Variants in FRMD4B observed in about 807,000 individuals in gnomAD.
FRMD4B encodes the protein FERM domain-containing protein 4B.
Under a neutral mutation model 141.5 loss-of-function variants are expected in FRMD4B, and 74 were observed. That is an observed-to-expected ratio of 0.52 (90% CI 0.43 to 0.63). The LOEUF (loss-of-function observed/expected upper bound fraction) is 0.63. Ranked by LOEUF, FRMD4B falls within the 30% of genes least tolerant of loss-of-function variation. FRMD4B has a pLI of 0.00. For synonymous variants in FRMD4B, 506 were observed against 467.9 expected, an observed-to-expected ratio of 1.08 and a Z score of -1.05; for missense variants, 1,366 against 1,253.4, an observed-to-expected ratio of 1.09 and a Z score of -1.36.
chr3:69,331,435 C>T (rs1702367528), intron 1 of FRMD4B, among the ~76,000 whole-genome samples: 1 of 152,158 alleles, frequency 6.6e-6, no homozygotes, highest in South Asian at 2.1e-4. Context: ...TTAGGCAAGT[C>T]ATGTATCCTC....
At chr3:69,487,245 C>A (rs1237717738) in intron 1 of FRMD4B, among the ~76,000 whole-genome samples, 1 of 152,110 alleles carries the variant, frequency 6.6e-6, no homozygotes, top group Non-Finnish European at 1.5e-5. Context: ...AGTCTATAGT[C>A]CCCAGTAAGG....
At chr3:69,183,941 G>T (rs2092737977) in intron 19 of FRMD4B, among the ~76,000 whole-genome samples, 1 of 151,814 alleles carries the variant, frequency 6.6e-6, no homozygotes, top group African/African-American at 2.4e-5. Context: ...TGTCATCCAG[G>T]CTTGAGGAGA....
chr3:69,172,070 G>A (rs996067193), intron 22 of FRMD4B, 89 bp from the exon 23 acceptor site: 41 of 1,281,342 alleles, frequency 3.2e-5, no homozygotes, highest in Non-Finnish European at 4.0e-5. Flanking sequence ...AAGTTAGTAG[G>A]AAGCACTGTT....
At chr3:69,234,356 T>C (rs1015494734) in intron 7 of FRMD4B, among the ~76,000 whole-genome samples, 4 of 152,108 alleles carry the variant, frequency 2.6e-5, no homozygotes, top group Admixed American at 2.0e-4. Context: ...GGATGACAGA[T>C]TGCATAAACA....
chr3:69,329,623 G>C (rs1449771690), intron 1 of FRMD4B, among the ~76,000 whole-genome samples: 1 of 148,186 alleles, frequency 6.7e-6, no homozygotes, highest in East Asian at 2.0e-4. Flanking sequence ...TGCCTCCTGG[G>C]TTCAAGCAAT....
chr3:69,329,971 T>C (rs1030779965), intron 1 of FRMD4B, among the ~76,000 whole-genome samples: 10 of 152,122 alleles, frequency 6.6e-5, no homozygotes, highest in Non-Finnish European at 1.3e-4. Flanking sequence ...AAATCCACAG[T>C]GCATAGCTCA....
chr3:69,481,280 C>G (rs374830607), intron 1 of FRMD4B, among the ~76,000 whole-genome samples: 35 of 152,288 alleles, frequency 2.3e-4, no homozygotes, highest in African/African-American at 7.5e-4. Context: ...GATGGAAATG[C>G]AGAAATCACC....
At chr3:69,187,304 G>A (rs2092778334) in intron 19 of FRMD4B, among the ~76,000 whole-genome samples, 1 of 151,876 alleles carries the variant, frequency 6.6e-6, no homozygotes. Flanking sequence ...CCAGCACTTT[G>A]GGAGGCCGAG....
At chr3:69,378,946 C>T (rs1704043997) in intron 1 of FRMD4B, among the ~76,000 whole-genome samples, 2 of 152,124 alleles carry the variant, frequency 1.3e-5, no homozygotes, top group Non-Finnish European at 2.9e-5. Flanking sequence ...TTCCTTGGTC[C>T]TTCCCTTTTG....
At chr3:69,231,353 T>C (rs971221972) in intron 7 of FRMD4B, among the ~76,000 whole-genome samples, 1 of 152,200 alleles carries the variant, frequency 6.6e-6, no homozygotes, top group African/African-American at 2.4e-5. Context: ...AGTGGCACCA[T>C]CTTGGCTAAC....
intron 1 of FRMD4B, among the ~76,000 whole-genome samples, chr3:69,453,109 G>A (rs1025679620): frequency 2.0e-5 from 3 of 152,206 alleles, no homozygotes; most frequent in African/African-American, 7.2e-5. Flanking sequence ...CCAGAAGTGT[G>A]GGGATGGGAG....
At chr3:69,448,263 C>A (rs924687762) in intron 1 of FRMD4B, among the ~76,000 whole-genome samples, 1 of 152,198 alleles carries the variant, frequency 6.6e-6, no homozygotes, top group African/African-American at 2.4e-5. Flanking sequence ...CGCCTGACCT[C>A]AGGTGATCCA....
chr3:69,413,156 T>C (rs918606353), intron 2 of FRMD4B, among the ~76,000 whole-genome samples: 5 of 152,188 alleles, frequency 3.3e-5, no homozygotes, highest in Non-Finnish European at 7.4e-5. Flanking sequence ...GGATTAAAGA[T>C]GCTCAACTAG....
At chr3:69,177,377 C>T (rs1342412476) in intron 21 of FRMD4B, among the ~76,000 whole-genome samples, 1 of 152,016 alleles carries the variant, frequency 6.6e-6, no homozygotes, top group Non-Finnish European at 1.5e-5. Context: ...CAGGTCAGCT[C>T]AGTGGCACAA....
chr3:69,178,417 G>C, intron 21 of FRMD4B, among the ~76,000 whole-genome samples: 1 of 152,118 alleles, frequency 6.6e-6, no homozygotes, highest in Admixed American at 6.5e-5. Context: ...GATGGCTCAT[G>C]GTTGTAATCC....
intron 19 of FRMD4B, among the ~76,000 whole-genome samples, chr3:69,184,838 C>A (rs2107608263): frequency 6.6e-6 from 1 of 152,274 alleles, no homozygotes; most frequent in Non-Finnish European, 1.5e-5. Context: ...TGAATTGTGG[C>A]TAGCATGACT....
rs370962205 is a variant in FRMD4B at position 69,375,166 on chromosome 3, C to A, written c.162+10662G>T. 4.6e-5 allele frequency among the ~76,000 whole-genome samples: 7 copies of A among 150,580 alleles called. No individual in the cohort carries two copies. The South Asian group carries it at 1.5e-3, about 32-fold the overall frequency. On this transcript the variant is annotated intron_variant, in intron 1 of 22. Transcript: ENST00000398540. ...ATCCACCCATCTATCCATTCATCCA[C>A]CCACCCACCCACTTACCTGTCCACC...
intron 5 of FRMD4B, among the ~76,000 whole-genome samples, chr3:69,253,182 T>TC (rs1553710708): frequency 8.3e-6 from 1 of 120,524 alleles, no homozygotes. Context: ...ATATGATTCC[T>TC]ATTTTTTTTT....
intron 1 of FRMD4B, among the ~76,000 whole-genome samples, chr3:69,475,014 G>C (rs1319607642): frequency 6.6e-6 from 1 of 152,036 alleles, no homozygotes. Context: ...TCTTGCTGTT[G>C]GTTCCCAAAT....
Sources: gnomAD v4.1 joint callset for allele counts (sites outside exome capture counted in the v4.1 genomes callset) on GRCh38, gnomAD v4.1.1 for gene constraint, MANE v1.5 for transcripts, NCBI Gene and HGNC (gene_info 2026-07-23, HGNC 2026-07-21) for gene names.